The following RFX2 variants were observed in gnomAD, a reference collection of about 807,000 sequenced individuals.
RFX2 encodes the protein DNA-binding protein RFX2.
In RFX2, 20 loss-of-function variants were observed where a neutral mutation model predicts 87.8. The ratio of observed to expected loss-of-function variants is 0.23; its 90% CI spans 0.16 to 0.33. The LOEUF (loss-of-function observed/expected upper bound fraction) is 0.33, where lower values mean the gene tolerates loss of function less well. Among genes scored for constraint, RFX2 ranks in the 10% least tolerant of loss-of-function variants. The probability of loss-of-function intolerance (pLI) is 1.00; values close to 1 mark genes in which losing one functional copy is unlikely to be tolerated. For synonymous variants in RFX2, 397 were observed against 431.3 expected (o/e 0.92, Z 0.98); for missense variants, 767 against 1,012.3 (o/e 0.76, Z 3.29).
chr19:6,055,857 T>A (rs2144795962), intron 1 of RFX2, among the ~76,000 whole-genome samples: 1 of 152,364 alleles, frequency 6.6e-6, no homozygotes, highest in Non-Finnish European at 1.5e-5. Context: ...AGAGGAATAC[T>A]ACTGGAATAC....
intron 1 of RFX2, among the ~76,000 whole-genome samples, chr19:6,065,904 C>G (rs1008228192): frequency 4.1e-5 from 6 of 146,938 alleles, no homozygotes; most frequent in African/African-American, 1.5e-4. Context: ...AGATTGCACT[C>G]GAGATGAATG....
At position 6,011,716 on chromosome 19, in the gene RFX2, G is replaced by A. The variant is rs2086661800; in HGVS notation, c.899+1270C>T. Reference sequence around the variant, plus strand: ...TCTCTCCTGGAACCTCCAACTCCTGGGAGTGGCTGTGTGGTCAGGAGTCAA... The same window carrying A: ...TCTCTCCTGGAACCTCCAACTCCTGAGAGTGGCTGTGTGGTCAGGAGTCAA... On this transcript the variant is annotated intron_variant, in intron 8 of 17. Coordinates refer to ENST00000303657, the MANE Select transcript of RFX2 (RefSeq NM_000635.4). The surrounding 1 kb of genome is among the most constrained non-coding windows in gnomAD (Gnocchi z 4.8). 1.3e-5 allele frequency among the ~76,000 whole-genome samples: 2 copies of A among 152,214 alleles called. No individual in the cohort carries two copies. The highest frequency in any genetic ancestry group is 4.1e-4 in the South Asian group (2 of 4,836).
chr19:6,006,223 C>A (rs143209376), intron 12 of RFX2, among the ~76,000 whole-genome samples: 1 of 152,078 alleles, frequency 6.6e-6, no homozygotes, highest in East Asian at 1.9e-4. Flanking sequence ...TGCAGTGGTG[C>A]GATCATAGCT....
intron 1 of RFX2, among the ~76,000 whole-genome samples, chr19:6,065,688 T>A (rs907719072): frequency 6.6e-6 from 1 of 152,124 alleles, no homozygotes; most frequent in Non-Finnish European, 1.5e-5. Flanking sequence ...TTAGATACTT[T>A]AAATAGTCCT....
chr19:6,053,547 T>A (rs1158358183), intron 1 of RFX2, among the ~76,000 whole-genome samples: 1 of 152,214 alleles, frequency 6.6e-6, no homozygotes, highest in Non-Finnish European at 1.5e-5. Flanking sequence ...TGTACAACTC[T>A]GGTGGGTGAT....
At chr19:6,060,566 T>G (rs865859039) in intron 1 of RFX2, among the ~76,000 whole-genome samples, 1 of 152,150 alleles carries the variant, frequency 6.6e-6, no homozygotes, top group African/African-American at 2.4e-5. Context: ...TCTTTTTTAT[T>G]TGTAAGTCCA....
In RFX2 at chr19:6,017,929, C is replaced by G. The variant is rs1261639054; in HGVS notation, c.598-1658G>C. 6.8e-6 allele frequency among the ~76,000 whole-genome samples: 1 copy of G among 147,624 alleles called. No individual in the cohort carries two copies. The highest frequency in any genetic ancestry group is 2.5e-5 in the African/African-American group (1 of 40,584). On this transcript the variant is annotated intron_variant, in intron 6 of 17. Transcript: ENST00000303657. The surrounding 1 kb of genome is among the most constrained non-coding windows in gnomAD (Gnocchi z 4.1). ...GTCTGTTTGCCCCATCCCCACCCCC[C>G]CAACTCAGCATTAGAAGCTGGGGAG... is the stretch of plus-strand genomic sequence containing the variant.
At chr19:5,996,975 CCT>C (rs1450191953) in intron 16 of RFX2, 83 bp downstream of exon 16, 12 of 1,395,806 alleles carry the variant, frequency 8.6e-6, no homozygotes, top group Non-Finnish European at 1.2e-5. Flanking sequence ...CTGCGAGTGT[CCT>C]CTCTCTGGGC....
chr19:6,078,513 A>C (rs995009789), intron 1 of RFX2, among the ~76,000 whole-genome samples: 10 of 152,192 alleles, frequency 6.6e-5, no homozygotes, highest in African/African-American at 2.4e-4. Context: ...TCCAAGAAAG[A>C]AAGCCAACAT....
At chr19:6,048,231 G>GT (rs1323837339) in intron 1 of RFX2, among the ~76,000 whole-genome samples, 20 of 152,344 alleles carry the variant, frequency 1.3e-4, no homozygotes, top group Non-Finnish European at 1.5e-5. Flanking sequence ...AATTTTGGCA[G>GT]TAAGTAAAAA....
intron 1 of RFX2, among the ~76,000 whole-genome samples, chr19:6,051,579 A>T (rs1034310250): frequency 2.1e-4 from 32 of 152,230 alleles, no homozygotes; most frequent in African/African-American, 7.5e-4. Flanking sequence ...CCTACTTAAC[A>T]TATTTGATTA....
chr19:6,085,549 C>T (rs1425788479), intron 1 of RFX2, among the ~76,000 whole-genome samples: 1 of 152,158 alleles, frequency 6.6e-6, no homozygotes, highest in East Asian at 1.9e-4. Context: ...ACATTTTCTT[C>T]CATTCCTTGG....
Position 6,058,599 on chromosome 19 carries a change from G to GT in RFX2, c.-8-11096dup, listed in dbSNP as rs112549511. On this transcript the variant is annotated intron_variant, in intron 1 of 17. Coordinates refer to ENST00000303657, the MANE Select transcript of RFX2 (RefSeq NM_000635.4). ...GGTGCCCGTCATTCCTCACTTTTGGGTTTTTTTTTTTTCTCCTCTTGTAGC... is the reference window on the plus strand; with the variant it reads ...GGTGCCCGTCATTCCTCACTTTTGGGTTTTTTTTTTTTTCTCCTCTTGTAGC... 2.9e-3 allele frequency among the ~76,000 whole-genome samples: 427 copies of GT among 146,500 alleles called. 1 individual carries two copies. The highest frequency in any genetic ancestry group is 4.0e-3 in the Non-Finnish European group (267 of 65,998).
At chr19:6,014,687 G>A (rs1339003713) in intron 7 of RFX2, among the ~76,000 whole-genome samples, 1 of 152,168 alleles carries the variant, frequency 6.6e-6, no homozygotes, top group Admixed American at 6.5e-5. Flanking sequence ...CTCTGCAGGG[G>A]AGGCCCCTCC....
intron 1 of RFX2, among the ~76,000 whole-genome samples, chr19:6,087,692 A>C (rs2087872678): frequency 6.6e-6 from 1 of 152,176 alleles, no homozygotes; most frequent in Non-Finnish European, 1.5e-5. Context: ...ATCCAGCTAC[A>C]ACAAAAGATT....
At chr19:6,075,272 TGGA>T (rs763598849) in intron 1 of RFX2, among the ~76,000 whole-genome samples, 65 of 149,252 alleles carry the variant, frequency 4.4e-4, no homozygotes, top group African/African-American at 1.1e-3. Flanking sequence ...GAGGAGAAGG[TGGA>T]GGAGGAGGAG....
Position 6,013,745 on chromosome 19 carries a change from C to T in RFX2, c.780-640G>A, listed in dbSNP as rs1196457260. ...CTGACGTGTGCCACCACACTCGGAT[C>T]TTGACCTTTCACTTTGGCCTCTCTG... On this transcript the variant is annotated intron_variant, in intron 7 of 17. Coordinates refer to ENST00000303657, the MANE Select transcript of RFX2 (RefSeq NM_000635.4). The surrounding 1 kb of genome is among the most constrained non-coding windows in gnomAD (Gnocchi z 4.1). Among the ~76,000 whole-genome samples the T allele has an allele frequency of 6.6e-6, 1 of 152,204 alleles. No individual in the cohort carries two copies. Among genetic ancestry groups the T allele is most frequent in the Non-Finnish European group, 1.5e-5 (1 of 68,028 alleles).
chr19:5,995,467 G>T, intron 17 of RFX2, 134 bp downstream of exon 17: 1 of 864,010 alleles, frequency 1.2e-6, no homozygotes. Flanking sequence ...CCGGATGACA[G>T]ATCCCAGGGC....
In RFX2 at chr19:6,039,244, C is replaced by G. The variant is rs2087067757; in HGVS notation, c.522+736G>C. Among the ~76,000 whole-genome samples the G allele has an allele frequency of 6.6e-6, 1 of 152,134 alleles. No individual in the cohort carries two copies. Among genetic ancestry groups the G allele is most frequent in the Non-Finnish European group, 1.5e-5 (1 of 68,020 alleles). On this transcript the variant is annotated intron_variant, in intron 5 of 17. Coordinates refer to ENST00000303657, the MANE Select transcript of RFX2 (RefSeq NM_000635.4). The surrounding 1 kb of genome is among the most constrained non-coding windows in gnomAD (Gnocchi z 5.2). ...AATCTGTACGATTCCATTTATACACCACGCTAGTAAAGATGAAACTACAGC... is the reference window on the plus strand; with the variant it reads ...AATCTGTACGATTCCATTTATACACGACGCTAGTAAAGATGAAACTACAGC...
Sources: allele counts gnomAD v4.1 joint callset (sites outside exome capture counted in the v4.1 genomes callset), GRCh38; gene constraint gnomAD v4.1.1; non-coding constraint Gnocchi (gnomAD v3.1); transcripts MANE v1.5; gene names NCBI Gene and HGNC (gene_info 2026-07-23, HGNC 2026-07-21).